The following GPR160 variants were observed in gnomAD, a reference collection of about 807,000 sequenced individuals.
The protein encoded by GPR160 is probable G protein-coupled receptor 160.
In GPR160, 2 loss-of-function variants were observed where a neutral mutation model predicts 2.6. The ratio of observed to expected loss-of-function variants is 0.77; its 90% CI spans 0.32 to 2.44. The LOEUF is 2.44. Ranked by LOEUF, GPR160 falls within the 30% of genes most tolerant of loss-of-function variation. The pLI is 0.11. For missense variants in GPR160, 351 were observed against 383.6 expected (o/e 0.91, Z 0.71); for synonymous variants, 130 against 132.2 (o/e 0.98, Z 0.12).
At chr3:170,064,514 CTTT>C (rs1175382810) in intron 2 of GPR160, among the ~76,000 whole-genome samples, 2,707 of 80,804 alleles carry the variant, frequency 0.034, 72 homozygotes, top group African/African-American at 0.11. Flanking sequence ...CTTTTCTTTT[CTTT>C]TTTTTTTTTT....
rs540326189 is a variant in GPR160, at chr3:170,084,107, GAGA to G, written c.140_142del (p.Arg47del). The G allele has an allele frequency of 3.4e-5, 54 of 1,595,992 alleles. No individual in the cohort carries two copies. In the South Asian group the frequency reaches 5.9e-4, roughly 17 times the overall value. On this transcript the variant is annotated inframe_deletion, in exon 4 of 4. Transcript: ENST00000355897. Reference sequence around the variant, plus strand: ...TATTAAATATCCTTACACTAGGAATGAGAAGAAAAAACACCTGTCAAAATTTTA... The same window carrying G: ...TATTAAATATCCTTACACTAGGAATGAGAAAAAACACCTGTCAAAATTTTA...
chr3:170,079,383 T>A (rs1263411697), intron 2 of GPR160, among the ~76,000 whole-genome samples: 1 of 152,222 alleles, frequency 6.6e-6, no homozygotes, highest in Non-Finnish European at 1.5e-5. Context: ...AATTATTGTT[T>A]GGTAAAATAT....
At chr3:170,048,874 A>G (rs1475996474) in intron 2 of GPR160, among the ~76,000 whole-genome samples, 1 of 152,138 alleles carries the variant, frequency 6.6e-6, no homozygotes, top group Non-Finnish European at 1.5e-5. Context: ...TAGAAATGCA[A>G]AAGCTCAGGC....
chr3:170,072,492 G>A (rs545238867), intron 2 of GPR160, among the ~76,000 whole-genome samples: 1 of 152,176 alleles, frequency 6.6e-6, no homozygotes, highest in South Asian at 2.1e-4. Context: ...CCTGAGACTG[G>A]GTAATTTATA....
chr3:170,073,096 G>T (rs1168095562), intron 2 of GPR160, among the ~76,000 whole-genome samples: 2 of 151,904 alleles, frequency 1.3e-5, no homozygotes, highest in Non-Finnish European at 2.9e-5. Context: ...GCTAAGGCAG[G>T]AGCATTACTT....
At chr3:170,060,213 T>C (rs1711869478) in intron 2 of GPR160, among the ~76,000 whole-genome samples, 1 of 152,218 alleles carries the variant, frequency 6.6e-6, no homozygotes, top group African/African-American at 2.4e-5. Context: ...AAAAGAAGAA[T>C]GATGGCAGTG....
intron 2 of GPR160, among the ~76,000 whole-genome samples, chr3:170,064,429 G>T (rs1425897626): frequency 1.3e-5 from 2 of 151,598 alleles, no homozygotes; most frequent in African/African-American, 4.8e-5. Flanking sequence ...GATAGGCCAA[G>T]GTTTTCACCT....
intron 3 of GPR160, among the ~76,000 whole-genome samples, chr3:170,081,474 A>G (rs554290103): frequency 1.3e-5 from 2 of 152,340 alleles, no homozygotes; most frequent in East Asian, 3.9e-4. Context: ...ATACGTTTGT[A>G]TAAGTAGATT....
chr3:170,051,571 A>G (rs1294061075), intron 2 of GPR160, among the ~76,000 whole-genome samples: 1 of 152,112 alleles, frequency 6.6e-6, no homozygotes, highest in Non-Finnish European at 1.5e-5. Flanking sequence ...CTAAAAATAC[A>G]AAAATTAGCT....
chr3:170,058,016 T>C (rs1711728881), intron 2 of GPR160: 1 of 152,224 alleles, frequency 6.6e-6, no homozygotes, highest in Non-Finnish European at 1.5e-5. Context: ...TTGGAATTCC[T>C]GGAAATGACA....
chr3:170,070,757 G>A (rs1308217618), intron 2 of GPR160, among the ~76,000 whole-genome samples: 2 of 152,148 alleles, frequency 1.3e-5, no homozygotes, highest in African/African-American at 4.8e-5. Flanking sequence ...GTGGAGTTAT[G>A]AGAAGGAACA....
chr3:170,064,874 C>G (rs970569571), intron 2 of GPR160, among the ~76,000 whole-genome samples: 2 of 152,084 alleles, frequency 1.3e-5, no homozygotes, highest in African/African-American at 4.8e-5. Context: ...GTGTCTCCTG[C>G]CCACCCTGGT....
At chr3:170,046,532 T>C (rs1342249461) in intron 2 of GPR160, among the ~76,000 whole-genome samples, 1 of 152,122 alleles carries the variant, frequency 6.6e-6, no homozygotes, top group Non-Finnish European at 1.5e-5. Flanking sequence ...GCATATCTAA[T>C]AGGAATGTTG....
chr3:170,045,538 C>T (rs892961699), intron 2 of GPR160, among the ~76,000 whole-genome samples: 11 of 148,952 alleles, frequency 7.4e-5, no homozygotes, highest in African/African-American at 1.2e-4. Flanking sequence ...TGCAGTGAGC[C>T]GAGATCACGC....
chr3:170,042,279 G>T (rs1243783940), intron 2 of GPR160, among the ~76,000 whole-genome samples: 2 of 151,624 alleles, frequency 1.3e-5, no homozygotes, highest in Non-Finnish European at 1.5e-5. Flanking sequence ...AAATTAGCCA[G>T]GTATGGTGGT....
chr3:170,081,454 T>TA (rs1261895507), intron 3 of GPR160, among the ~76,000 whole-genome samples: 1 of 152,238 alleles, frequency 6.6e-6, no homozygotes, highest in Non-Finnish European at 1.5e-5. Flanking sequence ...ATTATTGCCT[T>TA]TACACATATA....
chr3:170,052,089 C>A (rs895755723), intron 2 of GPR160, among the ~76,000 whole-genome samples: 3 of 152,194 alleles, frequency 2.0e-5, no homozygotes, highest in Admixed American at 1.3e-4. Context: ...CCATGCTCAG[C>A]TAATTTTTGT....
chr3:170,039,136 T>C (rs967195679), intron 2 of GPR160, 93 bp downstream of exon 2: 1 of 152,152 alleles, frequency 6.6e-6, no homozygotes, highest in South Asian at 2.1e-4. Context: ...AGGATTGTTA[T>C]TGCTTCGAGT....
chr3:170,050,279 T>C (rs1212837261), intron 2 of GPR160, among the ~76,000 whole-genome samples: 3 of 151,946 alleles, frequency 2.0e-5, no homozygotes, highest in Non-Finnish European at 2.9e-5. Flanking sequence ...GTTTCGCTCT[T>C]GTTGCCCAGG....
Sources: allele counts gnomAD v4.1 joint callset (sites outside exome capture counted in the v4.1 genomes callset), GRCh38; gene constraint gnomAD v4.1.1; transcripts MANE v1.5; gene names NCBI Gene and HGNC (gene_info 2026-07-23, HGNC 2026-07-21).